Variants in ANKRD12 observed in about 807,000 individuals in gnomAD.
ANKRD12 encodes ankyrin repeat domain 12, also known as ankyrin repeat domain-containing protein 12.
Under a neutral mutation model 183.4 loss-of-function variants are expected in ANKRD12, and 85 were observed. That is an observed-to-expected ratio of 0.46 (90% CI 0.39 to 0.56). The LOEUF is 0.56. Among genes scored for constraint, ANKRD12 ranks in the 20% least tolerant of loss-of-function variants. The pLI is 0.00. For missense variants in ANKRD12, 2,405 were observed against 2,357.1 expected (o/e 1.02, Z -0.42); for synonymous variants, 914 against 800.2 (o/e 1.14, Z -2.40).
At chr18:9,184,184 A>G (rs1055400575) in intron 2 of ANKRD12, among the ~76,000 whole-genome samples, 2 of 152,224 alleles carry the variant, frequency 1.3e-5, no homozygotes, top group Non-Finnish European at 2.9e-5. Flanking sequence ...ACAAAATGTT[A>G]TCTTTTAAAG....
intron 1 of ANKRD12, among the ~76,000 whole-genome samples, chr18:9,144,734 C>T (rs1202598059): frequency 2.0e-5 from 3 of 152,024 alleles, no homozygotes; most frequent in Non-Finnish European, 4.4e-5. Flanking sequence ...TTATACATAT[C>T]TAGTAAGTGA....
chr18:9,161,636 A>G (rs1425868500), intron 1 of ANKRD12, among the ~76,000 whole-genome samples: 3 of 151,976 alleles, frequency 2.0e-5, no homozygotes, highest in Non-Finnish European at 4.4e-5. Flanking sequence ...TCGGCCTTCC[A>G]AAGTGCTGGG....
intron 1 of ANKRD12, among the ~76,000 whole-genome samples, chr18:9,141,495 T>G (rs1256393059): frequency 6.6e-6 from 1 of 152,218 alleles, no homozygotes; most frequent in Non-Finnish European, 1.5e-5. Context: ...GTTTTCTGAT[T>G]AGTGCGATCC....
chr18:9,154,773 T>C (rs2030151010), intron 1 of ANKRD12, among the ~76,000 whole-genome samples: 1 of 152,222 alleles, frequency 6.6e-6, no homozygotes. Context: ...GGAATCAGCA[T>C]TTCTGAATTT....
chr18:9,229,501 T>G (rs2036919465), intron 8 of ANKRD12, among the ~76,000 whole-genome samples: 1 of 152,190 alleles, frequency 6.6e-6, no homozygotes, highest in South Asian at 2.1e-4. Context: ...TTTGTAGAGA[T>G]CTTTCACCTC....
chr18:9,240,750 T>C (rs904649538), intron 8 of ANKRD12, among the ~76,000 whole-genome samples: 3 of 152,190 alleles, frequency 2.0e-5, no homozygotes, highest in African/African-American at 7.2e-5. Flanking sequence ...CATTAATAAA[T>C]AGGCAAGCTA....
intron 1 of ANKRD12, among the ~76,000 whole-genome samples, chr18:9,140,063 A>T (rs988464114): frequency 6.6e-6 from 1 of 152,210 alleles, no homozygotes; most frequent in Non-Finnish European, 1.5e-5. Context: ...TTTTTGACAT[A>T]TCGCATTAAC....
chr18:9,238,499 A>G (rs148762671), intron 8 of ANKRD12, among the ~76,000 whole-genome samples: 5 of 152,270 alleles, frequency 3.3e-5, no homozygotes, highest in African/African-American at 1.2e-4. Context: ...GTTCTATCTT[A>G]ATTAGTGTAA....
At chr18:9,156,953 ATGG>A (rs2143686570) in intron 1 of ANKRD12, among the ~76,000 whole-genome samples, 2 of 152,352 alleles carry the variant, frequency 1.3e-5, no homozygotes, top group African/African-American at 4.8e-5. Flanking sequence ...GATAGAAAGA[ATGG>A]TGATTACCAG....
At chr18:9,179,552 G>A (rs770922989) in intron 1 of ANKRD12, among the ~76,000 whole-genome samples, 1 of 152,130 alleles carries the variant, frequency 6.6e-6, no homozygotes, top group African/African-American at 2.4e-5. Context: ...GCCTCATTCT[G>A]TCACCCAGAC....
intron 9 of ANKRD12, among the ~76,000 whole-genome samples, chr18:9,262,001 A>G (rs1447644422): frequency 1.3e-5 from 2 of 152,184 alleles, no homozygotes; most frequent in Non-Finnish European, 2.9e-5. Context: ...GCAGAAATTA[A>G]ACAAATGAAT....
At position 9,281,222 on chromosome 18, in the gene ANKRD12, C is replaced by A; in HGVS notation, c.*96C>A. Reference sequence around the variant, plus strand: ...TTTGACAAAAATACTCATGCCTTTACAATTGTTAGTAAAGTTCGATTATAG... The same window carrying A: ...TTTGACAAAAATACTCATGCCTTTAAAATTGTTAGTAAAGTTCGATTATAG... On this transcript the variant is annotated 3_prime_UTR_variant, in exon 13 of 13. Coordinates refer to ENST00000262126, the MANE Select transcript of ANKRD12 (RefSeq NM_015208.5). 2.0e-6 allele frequency: 2 copies of A among 1,018,812 alleles called. No individual in the cohort carries two copies. Among genetic ancestry groups the A allele is most frequent in the Non-Finnish European group, 2.8e-6 (2 of 703,390 alleles). 63.1% of individuals were successfully genotyped at this position (1,018,812 alleles called of 1,614,324 possible). A position where few individuals can be genotyped will look rare whatever the true frequency, so the allele number is the denominator to read the frequency against.
intron 1 of ANKRD12, among the ~76,000 whole-genome samples, chr18:9,145,753 A>G (rs1488810100): frequency 6.6e-6 from 1 of 152,216 alleles, no homozygotes; most frequent in African/African-American, 2.4e-5. Context: ...ATTAATTTCC[A>G]AGGTGGGAAA....
At chr18:9,187,381 C>T (rs983966559) in intron 2 of ANKRD12, among the ~76,000 whole-genome samples, 3 of 152,106 alleles carry the variant, frequency 2.0e-5, no homozygotes, top group Non-Finnish European at 2.9e-5. Flanking sequence ...TCCAGCCTGG[C>T]AAGAGAGCAG....
chr18:9,203,908 A>G (rs2035329973), intron 3 of ANKRD12, among the ~76,000 whole-genome samples: 1 of 152,152 alleles, frequency 6.6e-6, no homozygotes, highest in Non-Finnish European at 1.5e-5. Flanking sequence ...CCCGGCCAGA[A>G]TTCCATGTTC....
chr18:9,246,624 A>C (rs577254848), intron 8 of ANKRD12, among the ~76,000 whole-genome samples: 1 of 152,348 alleles, frequency 6.6e-6, no homozygotes, highest in South Asian at 2.1e-4. Context: ...ACAATGTTAA[A>C]CAAATAAGGG....
chr18:9,160,008 G>T (rs2031183495), intron 1 of ANKRD12, among the ~76,000 whole-genome samples: 1 of 151,902 alleles, frequency 6.6e-6, no homozygotes, highest in Non-Finnish European at 1.5e-5. Context: ...GGTGGCTCAT[G>T]CCTGTAATCC....
Position 9,257,290 on chromosome 18 carries a change from T to C in ANKRD12, c.4023T>C (p.Asp1341=), listed in dbSNP as rs776921513. The change falls in exon 9 of 13, where the codon GAT becomes GAC. Residue 1341 remains aspartate (D), a synonymous_variant. Coordinates refer to ENST00000262126, the MANE Select transcript of ANKRD12 (RefSeq NM_015208.5). ...NQGSLLTVPG[D]TSPSPKPEVF... ...GTAGCTTATTAACTGTGCCAGGAGA[T>C]ACTAGTCCTTCTCCCAAACCTGAGG... 3 of 1,614,172 alleles carry C rather than the reference T, an allele frequency of 1.9e-6. No individual in the cohort carries two copies. Among genetic ancestry groups the C allele is most frequent in the Non-Finnish European group, 2.5e-6 (3 of 1,180,000 alleles).
rs1470901242 is a variant in ANKRD12, at chr18:9,204,491, A to T, written c.251A>T (p.His84Leu). 5.6e-6 allele frequency: 9 copies of T among 1,602,316 alleles called. No homozygotes were observed. Among genetic ancestry groups the T allele is most frequent in the Non-Finnish European group, 7.7e-6 (9 of 1,171,616 alleles). Residue 84 changes from histidine to leucine, a missense_variant, in exon 4 of 13, where the codon CAT (histidine) becomes CTT (leucine). Transcript: ENST00000262126. ...CATTCTGTAGATTCAGATCCAGGAC[A>T]TACAAGTGAAAATTGGGGGGAGAGA... ...RDSDTDSDPG[H>L]TSENWGERLI... is the part of the protein sequence containing the mutation.
Sources: allele counts gnomAD v4.1 joint callset (sites outside exome capture counted in the v4.1 genomes callset), GRCh38; gene constraint gnomAD v4.1.1; transcripts MANE v1.5; gene names NCBI Gene and HGNC (gene_info 2026-07-23, HGNC 2026-07-21).